The following PRKCA variants were observed in gnomAD, a reference collection of about 807,000 sequenced individuals.
The protein encoded by PRKCA is protein kinase C alpha.
PRKCA carries 27 observed loss-of-function variants against 87.0 expected under a neutral mutation model. The ratio of observed to expected loss-of-function variants is 0.31; its 90% CI spans 0.23 to 0.43. The LOEUF (loss-of-function observed/expected upper bound fraction) is 0.43. PRKCA is among the 20% of genes least tolerant of loss of function. PRKCA has a pLI of 1.00. For synonymous variants in PRKCA, 329 were observed against 311.1 expected (o/e 1.06, Z -0.61); for missense variants, 518 against 852.3 (o/e 0.61, Z 4.88).
At chr17:66,662,784 G>A (rs910854418) in intron 5 of PRKCA, among the ~76,000 whole-genome samples, 3 of 151,910 alleles carry the variant, frequency 2.0e-5, no homozygotes, top group Admixed American at 6.6e-5. Context: ...AGACAGCAAT[G>A]GTATAACAGC....
chr17:66,687,082 G>A (rs753053188), intron 5 of PRKCA, 29 bp from the exon 6 acceptor site: 15 of 1,576,786 alleles, frequency 9.5e-6, no homozygotes, highest in Middle Eastern at 1.7e-4. Context: ...TTCTCTTTTT[G>A]TAATATTTTC....
intron 14 of PRKCA, among the ~76,000 whole-genome samples, chr17:66,783,644 A>T (rs1246001521): frequency 1.1e-4 from 17 of 152,198 alleles, no homozygotes; most frequent in Admixed American, 1.1e-3. Context: ...GGCCTTCCAC[A>T]TTTGAAGGTG....
intron 8 of PRKCA, among the ~76,000 whole-genome samples, chr17:66,693,601 G>A (rs1972837020): frequency 6.6e-6 from 1 of 152,110 alleles, no homozygotes; most frequent in Non-Finnish European, 1.5e-5. Flanking sequence ...TCACTGCTTG[G>A]TCTCTGCTCC....
At chr17:66,409,033 CAAA>C (rs10661202) in intron 2 of PRKCA, among the ~76,000 whole-genome samples, 2 of 76,992 alleles carry the variant, frequency 2.6e-5, no homozygotes, top group African/African-American at 5.3e-5. Context: ...TCCCCAGTCT[CAAA>C]AAAAAAAAAA....
At chr17:66,692,219 A>T (rs1567979155) in intron 8 of PRKCA, among the ~76,000 whole-genome samples, 1 of 152,200 alleles carries the variant, frequency 6.6e-6, no homozygotes. Context: ...CATGAACTGC[A>T]TTCTAACCTT....
intron 3 of PRKCA, among the ~76,000 whole-genome samples, chr17:66,608,060 A>G (rs540071080): frequency 6.6e-6 from 1 of 152,000 alleles, no homozygotes; most frequent in Admixed American, 6.5e-5. Context: ...GTTGGCCCTG[A>G]CTTCTGTCGT....
chr17:66,515,412 C>A (rs965003616), intron 3 of PRKCA, among the ~76,000 whole-genome samples: 3 of 152,132 alleles, frequency 2.0e-5, no homozygotes, highest in Admixed American at 6.5e-5. Context: ...GCTGTGACTT[C>A]ATCTCTAGTA....
At chr17:66,571,750 C>G (rs1298859835) in intron 3 of PRKCA, among the ~76,000 whole-genome samples, 1 of 152,172 alleles carries the variant, frequency 6.6e-6, no homozygotes, top group Non-Finnish European at 1.5e-5. Context: ...TTCCACGGAA[C>G]CTGAGTCCGT....
intron 2 of PRKCA, among the ~76,000 whole-genome samples, chr17:66,312,500 G>A (rs111271537): frequency 1.3e-5 from 2 of 152,294 alleles, no homozygotes; most frequent in African/African-American, 4.8e-5. Flanking sequence ...GACATTGGAA[G>A]ACTCTTAAAG....
intron 3 of PRKCA, among the ~76,000 whole-genome samples, chr17:66,563,951 T>TTTCCTTCCTTCCTTCCTTCCTTCCTTCC (rs202204103): frequency 3.7e-5 from 5 of 136,584 alleles, no homozygotes; most frequent in Non-Finnish European, 6.3e-5. Flanking sequence ...TTGTTTCTTC[T>TTTCCTTCCTTCCTTCCTTCCTTCCTTCC]TTCCTTCCTT....
Position 66,470,394 on chromosome 17 carries a change from A to G in PRKCA, c.206-25807A>G, listed in dbSNP as rs543921099. Among the ~76,000 whole-genome samples the G allele has an allele frequency of 1.9e-3, 84 of 43,110 alleles. 2 individuals carry two copies. The South Asian group carries it at 0.04, about 21-fold the overall frequency. The allele number at this position is 43,110 out of a possible 152,430, so 28.3% of individuals were successfully genotyped here. ...GCACCCCCCGCCACCATGCCCGTCTATTTTTGTATTTTTAGTAGAAACGGG... is the reference window on the plus strand; with the variant it reads ...GCACCCCCCGCCACCATGCCCGTCTGTTTTTGTATTTTTAGTAGAAACGGG... On this transcript the variant is annotated intron_variant, in intron 2 of 16. Transcript: ENST00000413366.
In PRKCA at chr17:66,689,066, C is replaced by A. The variant is rs767683557; in HGVS notation, c.918+19C>A. The A allele has an allele frequency of 8.0e-6, 12 of 1,496,364 alleles. No homozygotes were observed. The highest frequency in any genetic ancestry group is 3.9e-5 in the Admixed American group (2 of 51,682). The allele number at this position is 1,496,364 out of a possible 1,614,324, so 92.7% of individuals were successfully genotyped here. The stretch of plus-strand genomic sequence containing the variant: ...ATTCGAGGTGAGGATAACAAAATGC[C>A]CGGAAACACCTTTCCTTTAGAAAGC... On this transcript the variant is annotated intron_variant, in intron 8 of 16. Coordinates refer to ENST00000413366, the MANE Select transcript of PRKCA (RefSeq NM_002737.3). The surrounding 1 kb of genome is among the most constrained non-coding windows in gnomAD (Gnocchi z 4.1).
At chr17:66,469,807 T>G (rs921918195) in intron 2 of PRKCA, among the ~76,000 whole-genome samples, 1 of 151,974 alleles carries the variant, frequency 6.6e-6, no homozygotes, top group Non-Finnish European at 1.5e-5. Flanking sequence ...GGTATTTATG[T>G]TTTTTTTAGG....
chr17:66,369,987 A>G (rs1908997211), intron 2 of PRKCA, among the ~76,000 whole-genome samples: 1 of 152,176 alleles, frequency 6.6e-6, no homozygotes, highest in Non-Finnish European at 1.5e-5. Flanking sequence ...GAACATATTT[A>G]TCCTCTAAAC....
chr17:66,713,467 CAGCAGTGA>C (rs960840853), intron 8 of PRKCA, among the ~76,000 whole-genome samples: 1 of 152,162 alleles, frequency 6.6e-6, no homozygotes, highest in Non-Finnish European at 1.5e-5. Flanking sequence ...CTCCCACCTG[CAGCAGTGA>C]AGCAAGGCCA....
At chr17:66,565,780 A>G (rs1443053883) in intron 3 of PRKCA, among the ~76,000 whole-genome samples, 1 of 152,138 alleles carries the variant, frequency 6.6e-6, no homozygotes, top group Non-Finnish European at 1.5e-5. Context: ...ATGGCAGGAC[A>G]TAGAAACACT....
At chr17:66,680,665 C>T (rs1839491591) in intron 5 of PRKCA, among the ~76,000 whole-genome samples, 1 of 152,168 alleles carries the variant, frequency 6.6e-6, no homozygotes, top group African/African-American at 2.4e-5. Flanking sequence ...AGGGATACAG[C>T]TGTGTCCTCA....
At chr17:66,799,667 G>GTAA (rs1975851540) in intron 16 of PRKCA, among the ~76,000 whole-genome samples, 1 of 143,086 alleles carries the variant, frequency 7.0e-6, no homozygotes, top group Non-Finnish European at 1.5e-5. Flanking sequence ...GACGGTGGTG[G>GTAA]TGGTGGTGGT....
intron 2 of PRKCA, among the ~76,000 whole-genome samples, chr17:66,468,777 G>T (rs550181004): frequency 1.1e-4 from 16 of 152,292 alleles, no homozygotes; most frequent in African/African-American, 3.8e-4. Context: ...AGAAACAGAA[G>T]TTGTGGCTGG....
Sources: allele counts gnomAD v4.1 joint callset (sites outside exome capture counted in the v4.1 genomes callset), GRCh38; gene constraint gnomAD v4.1.1; non-coding constraint Gnocchi (gnomAD v3.1); transcripts MANE v1.5; gene names NCBI Gene and HGNC (gene_info 2026-07-23, HGNC 2026-07-21).